PCDH15: variants seen among roughly 807,000 people sequenced by gnomAD.
PCDH15 encodes the protein protocadherin-15.
In PCDH15, 129 loss-of-function variants were observed where a neutral mutation model predicts 178.5. The ratio of observed to expected loss-of-function variants is 0.72; its 90% CI spans 0.63 to 0.84. The LOEUF (loss-of-function observed/expected upper bound fraction) is 0.84. Among genes scored for constraint, PCDH15 ranks in the 40% least tolerant of loss-of-function variants. The pLI is 0.00. For synonymous variants in PCDH15, 800 were observed against 732.0 expected (o/e 1.09, Z -1.50); for missense variants, 2,230 against 2,099.9 (o/e 1.06, Z -1.21).
chr10:54,437,137 C>G (rs2075474349), intron 3 of PCDH15, among the ~76,000 whole-genome samples: 1 of 152,140 alleles, frequency 6.6e-6, no homozygotes, highest in Non-Finnish European at 1.5e-5. Context: ...AATGTATACT[C>G]TTTACCAGCA....
At chr10:55,547,536 G>T (rs1841911057) in intron 2 of PCDH15, among the ~76,000 whole-genome samples, 1 of 152,080 alleles carries the variant, frequency 6.6e-6, no homozygotes, top group Non-Finnish European at 1.5e-5. Flanking sequence ...TGAGTAAGGT[G>T]AGTGCTATTA....
At chr10:54,966,796 A>G (rs1299998048) in intron 2 of PCDH15, among the ~76,000 whole-genome samples, 1 of 151,938 alleles carries the variant, frequency 6.6e-6, no homozygotes, top group Non-Finnish European at 1.5e-5. Context: ...TTCCACCATG[A>G]TTGTGAGGCC....
chr10:55,378,407 T>C (rs1020783299), intron 2 of PCDH15, among the ~76,000 whole-genome samples: 1 of 152,122 alleles, frequency 6.6e-6, no homozygotes, highest in African/African-American at 2.4e-5. Context: ...TGTTGGAATT[T>C]GGTGCTATTC....
At chr10:53,842,663 CTTA>C (rs1435384049) in intron 28 of PCDH15, among the ~76,000 whole-genome samples, 3 of 152,146 alleles carry the variant, frequency 2.0e-5, no homozygotes, top group Non-Finnish European at 4.4e-5. Flanking sequence ...CAAAATGAAT[CTTA>C]TTTTTATTAA....
At chr10:54,384,245 A>G (rs1385133691) in intron 3 of PCDH15, among the ~76,000 whole-genome samples, 1 of 152,040 alleles carries the variant, frequency 6.6e-6, no homozygotes, top group Non-Finnish European at 1.5e-5. Flanking sequence ...CATTAGAATC[A>G]ATTATAAACC....
chr10:54,476,629 GA>G (rs2078292210), intron 3 of PCDH15, among the ~76,000 whole-genome samples: 1 of 152,054 alleles, frequency 6.6e-6, no homozygotes, highest in Non-Finnish European at 1.5e-5. Flanking sequence ...TTAAAAGGGT[GA>G]TCAGAAATTT....
intron 23 of PCDH15, among the ~76,000 whole-genome samples, chr10:53,955,605 G>T (rs1333026043): frequency 6.6e-6 from 1 of 152,142 alleles, no homozygotes; most frequent in Non-Finnish European, 1.5e-5. Context: ...TCAGCTTACA[G>T]TGCTAGATTA....
At chr10:54,695,751 C>G (rs967195426) in intron 1 of PCDH15, among the ~76,000 whole-genome samples, 1 of 151,916 alleles carries the variant, frequency 6.6e-6, no homozygotes, top group Non-Finnish European at 1.5e-5. Context: ...GCCAAGTCTA[C>G]TATAACTGTG....
intron 27 of PCDH15, among the ~76,000 whole-genome samples, chr10:53,862,226 T>C (rs1023828554): frequency 5.3e-5 from 8 of 152,032 alleles, no homozygotes; most frequent in African/African-American, 1.9e-4. Flanking sequence ...TAATTTTGAA[T>C]TTTTAATAGA....
intron 2 of PCDH15, among the ~76,000 whole-genome samples, chr10:54,542,861 C>G (rs1019896761): frequency 6.6e-5 from 10 of 152,166 alleles, no homozygotes; most frequent in Non-Finnish European, 1.3e-4. Flanking sequence ...TCCAAGACCA[C>G]CCTGGCCTGC....
At chr10:54,893,874 G>A (rs60753875) in intron 3 of PCDH15, among the ~76,000 whole-genome samples, 1 of 152,018 alleles carries the variant, frequency 6.6e-6, no homozygotes, top group South Asian at 2.1e-4. Context: ...AAGAAAATCA[G>A]TTATTAAATT....
At chr10:54,693,699 C>A (rs2095170007) in intron 1 of PCDH15, among the ~76,000 whole-genome samples, 1 of 152,072 alleles carries the variant, frequency 6.6e-6, no homozygotes, top group Non-Finnish European at 1.5e-5. Context: ...GGGAAAGACT[C>A]TCTAAGTATA....
intron 3 of PCDH15, among the ~76,000 whole-genome samples, chr10:54,476,368 C>A (rs1039323867): frequency 6.6e-6 from 1 of 151,938 alleles, no homozygotes; most frequent in Admixed American, 6.6e-5. Context: ...TTGAAATCAA[C>A]AGATTATCTA....
At chr10:55,255,385 C>T (rs1841966802) in intron 1 of PCDH15, among the ~76,000 whole-genome samples, 1 of 152,188 alleles carries the variant, frequency 6.6e-6, no homozygotes, top group East Asian at 1.9e-4. Flanking sequence ...CAAGTCTTTG[C>T]TATTGTGAAT....
chr10:53,961,971 A>T (rs2088384042), intron 21 of PCDH15, 79 bp from the exon 22 acceptor site: 1 of 1,159,988 alleles, frequency 8.6e-7, no homozygotes, highest in Non-Finnish European at 1.3e-6. Context: ...ATGGATCTTT[A>T]AAATTCATGG....
At position 53,840,568 on chromosome 10, in the gene PCDH15, G is replaced by T. The variant is rs1013928282; in HGVS notation, c.3807-72C>A. On this transcript the variant is annotated intron_variant, in intron 28 of 37. Transcript: ENST00000644397. ...GGGAGTAAAAAATTACTCTTAACTT[G>T]AAAAGACATTTAGTAAATGAAAAAT... 2.7e-5 allele frequency: 37 copies of T among 1,365,880 alleles called. No homozygotes were observed. In the Admixed American group the frequency reaches 5.3e-4, roughly 19 times the overall value. 84.6% of individuals were successfully genotyped at this position (1,365,880 alleles called of 1,614,324 possible).
intron 2 of PCDH15, among the ~76,000 whole-genome samples, chr10:54,549,858 G>A (rs2086350691): frequency 6.6e-6 from 1 of 151,920 alleles, no homozygotes; most frequent in African/African-American, 2.4e-5. Flanking sequence ...ATGTAGCTAG[G>A]TACATGCATA....
At chr10:55,255,777 T>G (rs1373672709) in intron 1 of PCDH15, among the ~76,000 whole-genome samples, 1 of 152,254 alleles carries the variant, frequency 6.6e-6, no homozygotes, top group Non-Finnish European at 1.5e-5. Context: ...GTTCATATCC[T>G]TCACCCACTT....
intron 2 of PCDH15, among the ~76,000 whole-genome samples, chr10:55,432,297 G>A (rs1481941799): frequency 6.6e-6 from 1 of 152,220 alleles, no homozygotes; most frequent in Non-Finnish European, 1.5e-5. Context: ...GTGTGGCTGA[G>A]ATATGAAGTC....
Sources: allele counts gnomAD v4.1 joint callset (sites outside exome capture counted in the v4.1 genomes callset), GRCh38; gene constraint gnomAD v4.1.1; transcripts MANE v1.5; gene names NCBI Gene and HGNC (gene_info 2026-07-23, HGNC 2026-07-21).